Variants in MAP4 observed in about 807,000 individuals in gnomAD.
MAP4 encodes the protein microtubule-associated protein 4.
In MAP4, 76 loss-of-function variants were observed where a neutral mutation model predicts 170.2. That is an observed-to-expected ratio of 0.45 (90% CI 0.37 to 0.54). MAP4 has a LOEUF of 0.54. MAP4 is among the 20% of genes least tolerant of loss of function. The pLI, the probability that MAP4 is intolerant of heterozygous loss-of-function variation, is 0.00. For synonymous variants in MAP4, 909 were observed against 994.5 expected (o/e 0.91, Z 1.62); for missense variants, 2,506 against 2,748.0 (o/e 0.91, Z 1.97).
intron 1 of MAP4, among the ~76,000 whole-genome samples, chr3:48,065,695 G>A (rs900719596): frequency 4.6e-5 from 7 of 152,186 alleles, no homozygotes; most frequent in South Asian, 2.1e-4. Context: ...CTTATAATCT[G>A]GATAAGCCAA....
rs1324280731 is a variant in MAP4, at chr3:48,084,814, T to G, written c.-20+3959A>C. ...TGGGGACCGACTAAGTTGTTTTTGTTTTTTTTTTAATGGAGACAGGGTCTC... is the reference window on the plus strand; with the variant it reads ...TGGGGACCGACTAAGTTGTTTTTGTGTTTTTTTTAATGGAGACAGGGTCTC... On this transcript the variant is annotated intron_variant, in intron 1 of 18. Coordinates refer to the MAP4 transcript ENST00000360240. 3.6e-4 allele frequency among the ~76,000 whole-genome samples: 4 copies of G among 11,238 alleles called. No individual in the cohort carries two copies. In the African/African-American group the frequency reaches 4.1e-3, roughly 12 times the overall value. The allele number at this position is 11,238 out of a possible 152,430, so 7.4% of individuals were successfully genotyped here.
At chr3:48,030,798 CAAAAAAAAAAAAAA>C (rs71625847) in intron 1 of MAP4, among the ~76,000 whole-genome samples, 3 of 29,062 alleles carry the variant, frequency 1.0e-4, no homozygotes, top group Admixed American at 5.8e-4. Flanking sequence ...GACTCCATCT[CAAAAAAAAAAAAAA>C]AAAAAAAAAA....
At chr3:48,077,996 G>C (rs563090056) in intron 1 of MAP4, among the ~76,000 whole-genome samples, 1 of 152,296 alleles carries the variant, frequency 6.6e-6, no homozygotes, top group African/African-American at 2.4e-5. Context: ...AAGATGATTA[G>C]TGGTTGCCAG....
chr3:47,964,108 T>C (rs1240434204), intron 3 of MAP4, among the ~76,000 whole-genome samples: 2 of 152,188 alleles, frequency 1.3e-5, no homozygotes, highest in African/African-American at 4.8e-5. Context: ...AACGACATCA[T>C]AGGGCCTTGT....
Position 47,891,516 on chromosome 3 carries a change from C to G in MAP4, c.5434+11434G>C, listed in dbSNP as rs753103581. The G allele has an allele frequency of 2.6e-6, 4 of 1,515,212 alleles. No individual in the cohort carries two copies. The South Asian group carries it at 5.0e-5, about 19-fold the overall frequency. The allele number at this position is 1,515,212 out of a possible 1,614,324, so 93.9% of individuals were successfully genotyped here. On this transcript the variant is annotated intron_variant, in intron 10 of 20. Transcript: ENST00000683076. ...GGCAGCAGGCCAGAAGAAGGCTCTT[C>G]TCGGGCAGGGAGTTCAGGGTACTTA...
At chr3:48,000,984 A>T (rs921357564) in intron 1 of MAP4, among the ~76,000 whole-genome samples, 3 of 152,200 alleles carry the variant, frequency 2.0e-5, no homozygotes, top group African/African-American at 7.2e-5. Flanking sequence ...TACCATGATT[A>T]CAAAACATGT....
At chr3:47,977,780 T>C (rs2100083032) in intron 3 of MAP4, 85 bp downstream of exon 3, 1 of 907,532 alleles carries the variant, frequency 1.1e-6, no homozygotes, top group South Asian at 1.5e-5. Flanking sequence ...ATGCTTCCAT[T>C]AATAATGCTC....
intron 4 of MAP4, among the ~76,000 whole-genome samples, chr3:47,927,281 T>C (rs1210549712): frequency 2.0e-5 from 3 of 152,084 alleles, no homozygotes; most frequent in Admixed American, 2.0e-4. Flanking sequence ...TACTAGGTTA[T>C]TTGAAACAAA....
intron 3 of MAP4, among the ~76,000 whole-genome samples, chr3:47,958,191 T>C (rs1033613203): frequency 1.3e-5 from 2 of 152,188 alleles, no homozygotes; most frequent in African/African-American, 4.8e-5. Flanking sequence ...CCCAAGGGAT[T>C]ATCTAAGGCA....
At chr3:48,073,775 TAAAGTA>T (rs2100142237) in intron 1 of MAP4, among the ~76,000 whole-genome samples, 1 of 152,106 alleles carries the variant, frequency 6.6e-6, no homozygotes, top group African/African-American at 2.4e-5. Flanking sequence ...GGAATAAATT[TAAAGTA>T]AAAGACTTGT....
At chr3:47,857,771 C>G (rs2059118773) in intron 17 of MAP4, among the ~76,000 whole-genome samples, 1 of 151,536 alleles carries the variant, frequency 6.6e-6, no homozygotes, top group Non-Finnish European at 1.5e-5. Context: ...TACAGTGGTA[C>G]GATCTCAGCT....
At chr3:47,892,167 C>T in intron 10 of MAP4, 2 of 1,536,298 alleles carry the variant, frequency 1.3e-6, no homozygotes, top group Non-Finnish European at 8.7e-7. Context: ...TCTGAAATCA[C>T]ATACCTGCTC....
intron 1 of MAP4, among the ~76,000 whole-genome samples, chr3:48,041,215 G>A (rs541875157): frequency 1.1e-3 from 172 of 151,888 alleles, no homozygotes; most frequent in Non-Finnish European, 2.4e-3. Context: ...GGGTTCAAGC[G>A]ATTCTCCTGC....
intron 3 of MAP4, among the ~76,000 whole-genome samples, chr3:47,969,960 G>A (rs1173898414): frequency 6.6e-6 from 1 of 152,156 alleles, no homozygotes; most frequent in African/African-American, 2.4e-5. Flanking sequence ...ACACTGAGAG[G>A]CATTCTATAC....
intron 17 of MAP4, among the ~76,000 whole-genome samples, chr3:47,864,487 T>C (rs1331170249): frequency 6.6e-6 from 1 of 152,040 alleles, no homozygotes; most frequent in African/African-American, 2.4e-5. Flanking sequence ...CCATTCTGGC[T>C]AACATGGTGA....
At chr3:47,891,024 C>A in intron 10 of MAP4, 1 of 1,466,408 alleles carries the variant, frequency 6.8e-7, no homozygotes, top group South Asian at 1.4e-5. Context: ...AGAAACATAC[C>A]ATCACGTGGG....
intron 1 of MAP4, among the ~76,000 whole-genome samples, chr3:48,033,392 G>A (rs912849580): frequency 3.3e-5 from 5 of 152,056 alleles, no homozygotes; most frequent in African/African-American, 1.2e-4. Context: ...TCTACAGTTA[G>A]TATCTATGAT....
chr3:48,087,745 G>GCACACACACGCACGCGCACACACA (rs2100149995), intron 1 of MAP4, among the ~76,000 whole-genome samples: 1 of 105,614 alleles, frequency 9.5e-6, no homozygotes, highest in Non-Finnish European at 2.1e-5. Flanking sequence ...ACACGCACGC[G>GCACACACACGCACGCGCACACACA]CACACACACA....
chr3:48,081,181 T>C (rs1461808358), intron 1 of MAP4, among the ~76,000 whole-genome samples: 1 of 151,764 alleles, frequency 6.6e-6, no homozygotes, highest in African/African-American at 2.4e-5. Context: ...TCCCAGCTAC[T>C]CAGGAGGCTG....
Sources: gnomAD v4.1 joint callset for allele counts (sites outside exome capture counted in the v4.1 genomes callset) on GRCh38, gnomAD v4.1.1 for gene constraint, MANE v1.5 for transcripts, NCBI Gene and HGNC (gene_info 2026-07-23, HGNC 2026-07-21) for gene names.